The following RBMS3 variants were observed in gnomAD, a reference collection of about 807,000 sequenced individuals.
RBMS3 encodes RNA-binding motif, single-stranded-interacting protein 3.
RBMS3 carries 27 observed loss-of-function variants against 66.8 expected under a neutral mutation model. The observed-to-expected ratio is 0.40, with a 90% confidence interval of 0.30 to 0.56. The LOEUF (loss-of-function observed/expected upper bound fraction) is 0.56, where lower values mean the gene tolerates loss of function less well. Among genes scored for constraint, RBMS3 ranks in the 20% least tolerant of loss-of-function variants. The pLI is 0.40. For synonymous variants in RBMS3, 188 were observed against 183.0 expected (o/e 1.03, Z -0.22); for missense variants, 513 against 549.5 (o/e 0.93, Z 0.66).
intron 5 of RBMS3, among the ~76,000 whole-genome samples, chr3:29,743,952 G>A (rs1326596516): frequency 9.3e-5 from 12 of 129,488 alleles, no homozygotes; most frequent in Admixed American, 4.9e-4. Context: ...GTGTCCATGT[G>A]TTCTCATTGT....
intron 6 of RBMS3, among the ~76,000 whole-genome samples, chr3:29,773,738 G>C (rs147270600): frequency 8.5e-5 from 13 of 152,136 alleles, no homozygotes; most frequent in African/African-American, 2.9e-4. Flanking sequence ...AGAAGTACTT[G>C]GGAATTTACA....
chr3:29,740,084 A>G (rs1289743439), intron 5 of RBMS3, among the ~76,000 whole-genome samples: 7 of 152,086 alleles, frequency 4.6e-5, no homozygotes. Context: ...GCTTGTTCAA[A>G]TGTACGTAGA....
intron 6 of RBMS3, among the ~76,000 whole-genome samples, chr3:29,863,672 C>G (rs2059273502): frequency 6.6e-6 from 1 of 151,940 alleles, no homozygotes; most frequent in Non-Finnish European, 1.5e-5. Context: ...TAGTTGAAAG[C>G]TAAGAAAATC....
chr3:29,869,978 T>C (rs1448926379), intron 7 of RBMS3, among the ~76,000 whole-genome samples: 1 of 152,194 alleles, frequency 6.6e-6, no homozygotes, highest in Non-Finnish European at 1.5e-5. Context: ...TTTCTGTTTC[T>C]AAGACCATTG....
At chr3:29,489,601 C>A (rs2043452002) in intron 3 of RBMS3, among the ~76,000 whole-genome samples, 1 of 151,226 alleles carries the variant, frequency 6.6e-6, no homozygotes. Flanking sequence ...TATCGACAAA[C>A]CACTGTTAGA....
intron 12 of RBMS3, among the ~76,000 whole-genome samples, chr3:29,979,880 G>A (rs1170725654): frequency 1.3e-5 from 2 of 152,196 alleles, no homozygotes; most frequent in African/African-American, 4.8e-5. Flanking sequence ...ATTGTGAACA[G>A]TGCTGCAATA....
At chr3:29,628,909 C>T (rs2049172051) in intron 4 of RBMS3, among the ~76,000 whole-genome samples, 1 of 151,924 alleles carries the variant, frequency 6.6e-6, no homozygotes, top group Non-Finnish European at 1.5e-5. Context: ...TGTCATTGTC[C>T]ATGTGTTTTC....
At chr3:29,338,062 C>G (rs1477219189) in intron 1 of RBMS3, among the ~76,000 whole-genome samples, 1 of 152,126 alleles carries the variant, frequency 6.6e-6, no homozygotes, top group African/African-American at 2.4e-5. Flanking sequence ...CAGAAAGCCT[C>G]AAGACCTAAG....
chr3:29,346,620 T>C (rs907370387), intron 1 of RBMS3, among the ~76,000 whole-genome samples: 3 of 151,974 alleles, frequency 2.0e-5, no homozygotes, highest in African/African-American at 7.2e-5. Context: ...ACCGGACTGG[T>C]CTCGAACTCC....
chr3:29,357,484 T>C (rs933763935), intron 1 of RBMS3, among the ~76,000 whole-genome samples: 1 of 152,200 alleles, frequency 6.6e-6, no homozygotes, highest in African/African-American at 2.4e-5. Flanking sequence ...GTCTTGGCGA[T>C]TGTGAGTAGT....
At chr3:29,297,937 A>G (rs1272973550) in intron 1 of RBMS3, among the ~76,000 whole-genome samples, 2 of 151,792 alleles carry the variant, frequency 1.3e-5, no homozygotes, top group African/African-American at 4.8e-5. Flanking sequence ...TCACTGGGAA[A>G]TGAAGGAATG....
intron 12 of RBMS3, among the ~76,000 whole-genome samples, chr3:29,965,434 G>A (rs1176856738): frequency 1.3e-5 from 2 of 151,928 alleles, no homozygotes; most frequent in Non-Finnish European, 2.9e-5. Flanking sequence ...CAAGAGTAAG[G>A]TGGTATCGCA....
chr3:29,943,553 A>G (rs1165102391), intron 11 of RBMS3, among the ~76,000 whole-genome samples: 2 of 151,786 alleles, frequency 1.3e-5, no homozygotes, highest in African/African-American at 4.8e-5. Context: ...TGACACCTTC[A>G]ATGCTAGGAG....
chr3:29,494,885 A>G (rs1219124251), intron 3 of RBMS3, among the ~76,000 whole-genome samples: 2 of 147,920 alleles, frequency 1.4e-5, no homozygotes, highest in East Asian at 3.9e-4. Flanking sequence ...TTCCATGCCT[A>G]TTAACCATAG....
In RBMS3 at chr3:29,852,447, A is replaced by C. The variant is rs117426790; in HGVS notation, c.638-16411A>C. ...GGTCTAATATTGAGCATCTTTAAGA[A>C]ACTTAAACAAATTTACAAGACTAAA... On this transcript the variant is annotated intron_variant, in intron 6 of 14. Coordinates refer to ENST00000383767, the MANE Select transcript of RBMS3 (RefSeq NM_001003793.3). Among the ~76,000 whole-genome samples the C allele has an allele frequency of 1.5e-3, 229 of 152,348 alleles. 6 individuals are homozygous for C. The East Asian group carries it at 0.034, about 23-fold the overall frequency.
chr3:29,803,974 C>T (rs932088413), intron 6 of RBMS3, among the ~76,000 whole-genome samples: 35 of 152,078 alleles, frequency 2.3e-4, no homozygotes, highest in Middle Eastern at 3.4e-3. Context: ...TAAACTGCTT[C>T]TGATATTTTA....
intron 3 of RBMS3, among the ~76,000 whole-genome samples, chr3:29,506,971 T>C (rs1371065597): frequency 6.6e-6 from 1 of 151,694 alleles, no homozygotes; most frequent in Non-Finnish European, 1.5e-5. Context: ...TTCTTTTTGT[T>C]CTTTGTTGGT....
intron 3 of RBMS3, among the ~76,000 whole-genome samples, chr3:29,573,460 CT>C (rs910842601): frequency 1.3e-4 from 20 of 151,944 alleles, no homozygotes; most frequent in Middle Eastern, 3.4e-3. Context: ...GGTTGTCTTC[CT>C]TTTTTTTCTT....
At chr3:29,890,348 A>G (rs1340590858) in intron 8 of RBMS3, among the ~76,000 whole-genome samples, 1 of 151,648 alleles carries the variant, frequency 6.6e-6, no homozygotes, top group Non-Finnish European at 1.5e-5. Context: ...AGTGTCCATA[A>G]TAAAGTATAT....
Sources: allele counts gnomAD v4.1 joint callset (sites outside exome capture counted in the v4.1 genomes callset), GRCh38; gene constraint gnomAD v4.1.1; transcripts MANE v1.5; gene names NCBI Gene and HGNC (gene_info 2026-07-23, HGNC 2026-07-21).